The following PAM variants were observed in gnomAD, a reference collection of about 807,000 sequenced individuals.
The protein encoded by PAM is peptidylglycine alpha-amidating monooxygenase.
Under a neutral mutation model 122.1 loss-of-function variants are expected in PAM, and 72 were observed. The ratio of observed to expected loss-of-function variants is 0.59; its 90% CI spans 0.49 to 0.72. The LOEUF (loss-of-function observed/expected upper bound fraction) is 0.72. Ranked by LOEUF, PAM falls within the 30% of genes least tolerant of loss-of-function variation. PAM has a pLI of 0.00. For synonymous variants in PAM, 389 were observed against 404.4 expected (o/e 0.96, Z 0.46); for missense variants, 1,106 against 1,183.7 (o/e 0.93, Z 0.96).
At chr5:102,801,457 G>A (rs1455850901) in intron 1 of PAM, among the ~76,000 whole-genome samples, 1 of 152,166 alleles carries the variant, frequency 6.6e-6, no homozygotes, top group African/African-American at 2.4e-5. Flanking sequence ...CAGTAAACCT[G>A]CCTTAATCAG....
At chr5:103,027,867 G>T (rs1212554187) in intron 24 of PAM, among the ~76,000 whole-genome samples, 2 of 152,146 alleles carry the variant, frequency 1.3e-5, no homozygotes, top group African/African-American at 4.8e-5. Flanking sequence ...TGTGTCACAT[G>T]CAGTGTCTGA....
intron 13 of PAM, 80 bp from the exon 14 acceptor site, chr5:102,961,078 G>T: frequency 1.4e-6 from 1 of 735,806 alleles, no homozygotes; most frequent in South Asian, 1.5e-5. Flanking sequence ...TTTTTATGTT[G>T]ATGGACTATT....
chr5:102,856,995 G>T (rs1463973665), intron 1 of PAM, among the ~76,000 whole-genome samples: 1 of 152,176 alleles, frequency 6.6e-6, no homozygotes, highest in Non-Finnish European at 1.5e-5. Flanking sequence ...ACACCTAAGT[G>T]TGGTAAACCC....
At chr5:102,763,619 A>G (rs1753044717) in intron 1 of PAM, among the ~76,000 whole-genome samples, 1 of 152,232 alleles carries the variant, frequency 6.6e-6, no homozygotes, top group Admixed American at 6.5e-5. Context: ...CTTGATTGAT[A>G]TCTGAAGTAT....
chr5:102,770,876 G>A (rs1216372624), intron 1 of PAM, among the ~76,000 whole-genome samples: 3 of 151,890 alleles, frequency 2.0e-5, no homozygotes, highest in African/African-American at 7.2e-5. Context: ...GTTTGGAACT[G>A]TGTTTTAATA....
intron 1 of PAM, among the ~76,000 whole-genome samples, chr5:102,855,762 G>C (rs1257285353): frequency 6.6e-6 from 1 of 152,022 alleles, no homozygotes; most frequent in African/African-American, 2.4e-5. Flanking sequence ...TTGATTGATT[G>C]CAAGAAAAAC....
intron 1 of PAM, among the ~76,000 whole-genome samples, chr5:102,822,583 A>G (rs185589400): frequency 1.3e-5 from 2 of 152,130 alleles, no homozygotes; most frequent in Non-Finnish European, 2.9e-5. Flanking sequence ...TCAACCTTAT[A>G]ATGAAATGAA....
chr5:102,813,210 T>C (rs1412174195), intron 1 of PAM, among the ~76,000 whole-genome samples: 3 of 152,208 alleles, frequency 2.0e-5, no homozygotes, highest in Non-Finnish European at 4.4e-5. Flanking sequence ...AAGTTTACCT[T>C]TGAGAGAAAT....
chr5:103,019,084 T>A (rs1161223840), intron 22 of PAM, among the ~76,000 whole-genome samples: 2 of 152,124 alleles, frequency 1.3e-5, no homozygotes, highest in African/African-American at 2.4e-5. Flanking sequence ...TGGGGACCCC[T>A]GCTTTATACC....
chr5:103,015,768 A>G (rs1781801400), intron 21 of PAM, among the ~76,000 whole-genome samples: 2 of 152,142 alleles, frequency 1.3e-5, no homozygotes, highest in Non-Finnish European at 2.9e-5. Flanking sequence ...TCTGCTATAA[A>G]TACAGATTAG....
intron 3 of PAM, among the ~76,000 whole-genome samples, chr5:102,870,244 A>C (rs1402503495): frequency 6.6e-6 from 1 of 152,148 alleles, no homozygotes; most frequent in East Asian, 1.9e-4. Flanking sequence ...AAAATAAAGT[A>C]CATCTTAAGT....
intron 14 of PAM, among the ~76,000 whole-genome samples, chr5:102,963,939 TAA>T (rs955747500): frequency 6.6e-6 from 1 of 150,894 alleles, no homozygotes; most frequent in South Asian, 2.1e-4. Context: ...TAGAAAGATA[TAA>T]GTCAAGATAT....
rs568840868 is a variant in PAM, at chr5:102,986,747, A to G, written c.1484-3525A>G. Among the ~76,000 whole-genome samples the G allele has an allele frequency of 2.6e-5, 4 of 152,236 alleles. No homozygotes were observed. In the East Asian group the frequency reaches 7.7e-4, roughly 29 times the overall value. On this transcript the variant is annotated intron_variant, in intron 15 of 25. Transcript: ENST00000438793. Reference sequence around the variant, plus strand: ...CATGGGAGGGACCCAGTGGGACGTAATTGAATCATGGGGTCAGTTTCCCCC... The same window carrying G: ...CATGGGAGGGACCCAGTGGGACGTAGTTGAATCATGGGGTCAGTTTCCCCC...
At chr5:102,917,475 C>A (rs1414355548) in intron 5 of PAM, among the ~76,000 whole-genome samples, 1 of 152,062 alleles carries the variant, frequency 6.6e-6, no homozygotes, top group Non-Finnish European at 1.5e-5. Context: ...TTAAAAATAA[C>A]CAGAAGTCAT....
intron 15 of PAM, chr5:102,989,822 A>AGATAGATAGATAGATAGATAGAT (rs1562157469): frequency 2.0e-5 from 3 of 151,584 alleles, no homozygotes; most frequent in African/African-American, 7.3e-5. Context: ...ATAGATAGAT[A>AGATAGATAGATAGATAGATAGAT]GATAGATAGA....
At chr5:102,794,732 C>A (rs1762918480) in intron 1 of PAM, among the ~76,000 whole-genome samples, 1 of 152,068 alleles carries the variant, frequency 6.6e-6, no homozygotes, top group Non-Finnish European at 1.5e-5. Context: ...CATTCTGATG[C>A]TAATTTTTTT....
At chr5:103,028,154 C>T (rs26433) in intron 24 of PAM, 31 bp from the exon 25 acceptor site, 1,081,516 of 1,583,364 alleles carry the variant, frequency 0.68, 372,534 homozygotes, top group South Asian at 0.84. Flanking sequence ...GACTGGGACT[C>T]ATTTTGAAAT....
chr5:102,778,516 A>C (rs531686494), intron 1 of PAM, among the ~76,000 whole-genome samples: 1 of 152,302 alleles, frequency 6.6e-6, no homozygotes, highest in East Asian at 1.9e-4. Flanking sequence ...TGGCATTTAG[A>C]ATGAAATAAA....
chr5:102,949,422 A>G (rs1184275757), intron 9 of PAM, 115 bp from the exon 10 acceptor site: 1 of 721,644 alleles, frequency 1.4e-6, no homozygotes, highest in South Asian at 1.5e-5. Context: ...TATTTAAGTC[A>G]TAAGAAAACC....
Sources: gnomAD v4.1 joint callset for allele counts (sites outside exome capture counted in the v4.1 genomes callset) on GRCh38, gnomAD v4.1.1 for gene constraint, MANE v1.5 for transcripts, NCBI Gene and HGNC (gene_info 2026-07-23, HGNC 2026-07-21) for gene names.